FOXP1: variants seen among roughly 807,000 people sequenced by gnomAD.
The protein encoded by FOXP1 is forkhead box protein P1.
A neutral mutation model predicts 98.2 loss-of-function variants in FOXP1; 15 were observed. The ratio of observed to expected loss-of-function variants is 0.15; its 90% CI spans 0.10 to 0.24. The LOEUF (loss-of-function observed/expected upper bound fraction) is 0.24, where lower values mean the gene tolerates loss of function less well. Among genes scored for constraint, FOXP1 ranks in the 10% least tolerant of loss-of-function variants. The pLI, the probability that FOXP1 is intolerant of heterozygous loss-of-function variation, is 1.00. For missense variants in FOXP1, 633 were observed against 848.5 expected, an observed-to-expected ratio of 0.75 and a Z score of 3.15; for synonymous variants, 371 against 314.5, an observed-to-expected ratio of 1.18 and a Z score of -1.90.
chr3:71,226,793 G>T (rs568496185), intron 5 of FOXP1, among the ~76,000 whole-genome samples: 13 of 151,978 alleles, frequency 8.6e-5, no homozygotes, highest in African/African-American at 3.1e-4. Flanking sequence ...CTCACTCCCC[G>T]CACGCACTAC....
At chr3:71,488,853 T>C (rs970187429) in intron 3 of FOXP1, among the ~76,000 whole-genome samples, 4 of 152,238 alleles carry the variant, frequency 2.6e-5, no homozygotes, top group Non-Finnish European at 5.9e-5. Flanking sequence ...ATTAGGTTCA[T>C]TGTGTTATGA....
chr3:71,426,789 G>A (rs183053600), intron 3 of FOXP1, among the ~76,000 whole-genome samples: 303 of 152,196 alleles, frequency 2.0e-3, no homozygotes, highest in African/African-American at 7.2e-3. Flanking sequence ...GCAGCCAGGC[G>A]CGGTGGCTCA....
chr3:71,008,422 A>G (rs2043080829), intron 12 of FOXP1, among the ~76,000 whole-genome samples: 1 of 152,142 alleles, frequency 6.6e-6, no homozygotes, highest in Non-Finnish European at 1.5e-5. Context: ...TGAGCTTCAC[A>G]CCACTCTGGA....
At chr3:71,475,347 A>G (rs1163168944) in intron 3 of FOXP1, among the ~76,000 whole-genome samples, 2 of 152,140 alleles carry the variant, frequency 1.3e-5, no homozygotes, top group Non-Finnish European at 2.9e-5. Flanking sequence ...AATGATTAGC[A>G]CAGAAAATAC....
chr3:71,520,275 C>G lies in FOXP1; in HGVS notation c.-297-26720G>C, dbSNP rs542150605. ...TTGAAAAATAGATCATTTTACATTC[C>G]TTTTCAATGACGGGAAGGAGTTCAC... On this transcript the variant is annotated intron_variant, in intron 2 of 20. Transcript: ENST00000649528. Among the ~76,000 whole-genome samples, 65 of 152,310 alleles carry G rather than the reference C, an allele frequency of 4.3e-4. 1 individual carries two copies. The highest frequency in any genetic ancestry group is 1.5e-3 in the African/African-American group (61 of 41,558).
At chr3:71,157,073 C>G (rs941361134) in intron 6 of FOXP1, among the ~76,000 whole-genome samples, 1 of 152,244 alleles carries the variant, frequency 6.6e-6, no homozygotes, top group African/African-American at 2.4e-5. Context: ...ACTTCCAATG[C>G]AGAGAAGCAA....
intron 3 of FOXP1, among the ~76,000 whole-genome samples, chr3:71,451,051 C>T (rs1185718163): frequency 3.9e-5 from 6 of 152,218 alleles, no homozygotes; most frequent in Admixed American, 3.9e-4. Flanking sequence ...GCACTGCTTT[C>T]ATATGCCTGA....
At chr3:71,533,370 G>A (rs11714337) in intron 2 of FOXP1, among the ~76,000 whole-genome samples, 45,537 of 152,078 alleles carry the variant, frequency 0.3, 8,468 homozygotes, top group Non-Finnish European at 0.42. Flanking sequence ...ACTTAATGAA[G>A]AGTAAATATA....
chr3:71,058,976 C>T (rs1043142475), intron 7 of FOXP1, among the ~76,000 whole-genome samples: 1 of 151,798 alleles, frequency 6.6e-6, no homozygotes, highest in African/African-American at 2.4e-5. Flanking sequence ...CTCCTTTAGG[C>T]TTAGCTATTT....
At chr3:70,996,253 G>A (rs2041345615) in intron 13 of FOXP1, among the ~76,000 whole-genome samples, 2 of 152,142 alleles carry the variant, frequency 1.3e-5, no homozygotes, top group South Asian at 4.1e-4. Flanking sequence ...CAAAGTGCTG[G>A]TATTACAGGC....
At chr3:70,972,369 G>A (rs1275516074) in intron 18 of FOXP1, 186 bp downstream of exon 18, 4 of 936,846 alleles carry the variant, frequency 4.3e-6, no homozygotes, top group Non-Finnish European at 6.6e-6. Context: ...ACAAAGACCA[G>A]CAAGCAGGGC....
Position 71,202,695 on chromosome 3 carries a change from T to C in FOXP1, c.-11-4303A>G, listed in dbSNP as rs191306513. ...ATCTCCAGTTTGTAAAGTCCTGTGC[T>C]GGGTAGTGGATAATGAAATTAATGA... On this transcript the variant is annotated intron_variant, in intron 5 of 20. Coordinates refer to ENST00000649528, the MANE Select transcript of FOXP1 (RefSeq NM_001349338.3). Among the ~76,000 whole-genome samples the C allele has an allele frequency of 3.0e-4, 45 of 152,336 alleles. No individual in the cohort carries two copies. The East Asian group carries it at 8.5e-3, about 29-fold the overall frequency.
chr3:71,039,075 T>C (rs2047988812), intron 11 of FOXP1, among the ~76,000 whole-genome samples: 1 of 152,104 alleles, frequency 6.6e-6, no homozygotes, highest in Non-Finnish European at 1.5e-5. Flanking sequence ...TGACTGGAAT[T>C]TTCTTTTAAT....
At chr3:71,155,348 T>C (rs2060769471) in intron 6 of FOXP1, among the ~76,000 whole-genome samples, 1 of 152,242 alleles carries the variant, frequency 6.6e-6, no homozygotes, top group East Asian at 1.9e-4. Flanking sequence ...TTTAAATTTT[T>C]AGTAGCTGCA....
chr3:71,064,830 C>T (rs894114206), intron 7 of FOXP1: 5 of 984,088 alleles, frequency 5.1e-6, no homozygotes, highest in Non-Finnish European at 6.0e-6. Context: ...CAACCTGACA[C>T]TCTCCATGTA....
At chr3:71,005,380 A>G (rs570457277) in intron 12 of FOXP1, among the ~76,000 whole-genome samples, 1 of 150,490 alleles carries the variant, frequency 6.6e-6, no homozygotes, top group African/African-American at 2.4e-5. Flanking sequence ...AGACGGGTAT[A>G]AGAGAAAAAA....
chr3:71,510,659 A>G (rs1466671922), intron 2 of FOXP1, among the ~76,000 whole-genome samples: 1 of 152,196 alleles, frequency 6.6e-6, no homozygotes, highest in African/African-American at 2.4e-5. Context: ...CCAGACCTGC[A>G]GAGGGGGCTG....
intron 7 of FOXP1, among the ~76,000 whole-genome samples, chr3:71,111,372 C>T (rs2057905601): frequency 6.6e-6 from 1 of 152,124 alleles, no homozygotes; most frequent in Admixed American, 6.6e-5. Context: ...CAATTTTCTA[C>T]TTTGAGTCAA....
rs185199134 is a variant in FOXP1, at chr3:71,103,191, T to C, written c.282+9345A>G. The stretch of plus-strand genomic sequence containing the variant: ...GTTCAATGAGTAAAGTTTGAATGAA[T>C]GAATGCATGCATGTATGAATGAATG... On this transcript the variant is annotated intron_variant, in intron 7 of 20. Transcript: ENST00000649528. Among the ~76,000 whole-genome samples, 30 of 152,290 alleles carry C rather than the reference T, an allele frequency of 2.0e-4. 1 individual carries two copies. Among genetic ancestry groups the C allele is most frequent in the African/African-American group, 7.0e-4 (29 of 41,568 alleles).
Sources: allele counts gnomAD v4.1 joint callset (sites outside exome capture counted in the v4.1 genomes callset), GRCh38; gene constraint gnomAD v4.1.1; transcripts MANE v1.5; gene names NCBI Gene and HGNC (gene_info 2026-07-23, HGNC 2026-07-21).